The following CACNA1A variants were observed in gnomAD, a reference collection of about 807,000 sequenced individuals.
The protein encoded by CACNA1A is voltage-dependent P/Q-type calcium channel subunit alpha-1A.
A neutral mutation model predicts 262.4 loss-of-function variants in CACNA1A; 57 were observed. The observed-to-expected ratio is 0.22, with a 90% confidence interval of 0.18 to 0.27. CACNA1A has a LOEUF of 0.27. Ranked by LOEUF, CACNA1A falls within the 10% of genes least tolerant of loss-of-function variation. The pLI is 1.00. For missense variants in CACNA1A, 2,526 were observed against 3,562.8 expected, an observed-to-expected ratio of 0.71 and a Z score of 7.41; for synonymous variants, 1,431 against 1,419.3, an observed-to-expected ratio of 1.01 and a Z score of -0.18.
chr19:13,433,337 C>T (rs1470490128), intron 3 of CACNA1A, among the ~76,000 whole-genome samples: 1 of 150,518 alleles, frequency 6.6e-6, no homozygotes, highest in African/African-American at 2.4e-5. Flanking sequence ...GGCGTGTGCC[C>T]ATAGTCCTAG....
chr19:13,478,965 G>A (rs970499044), intron 1 of CACNA1A, among the ~76,000 whole-genome samples: 18 of 152,210 alleles, frequency 1.2e-4, no homozygotes, highest in Non-Finnish European at 2.1e-4. Context: ...CCTGAGGTCA[G>A]GAGTTTGAGA....
At chr19:13,279,799 T>A (rs1271864801) in intron 22 of CACNA1A, among the ~76,000 whole-genome samples, 1 of 150,070 alleles carries the variant, frequency 6.7e-6, no homozygotes, top group African/African-American at 2.5e-5. Flanking sequence ...CCCACTGTGT[T>A]TATTTTTATT....
At chr19:13,235,780 C>T (rs773382747) in intron 31 of CACNA1A, 50 bp from the exon 32 acceptor site, 1 of 1,357,608 alleles carries the variant, frequency 7.4e-7, no homozygotes, top group African/African-American at 1.4e-5. Flanking sequence ...CCAAAAGGCT[C>T]AGAGCTGTCA....
intron 1 of CACNA1A, among the ~76,000 whole-genome samples, chr19:13,491,234 C>T (rs1022161367): frequency 6.6e-6 from 1 of 152,204 alleles, no homozygotes; most frequent in African/African-American, 2.4e-5. Context: ...CCTTGGCAAG[C>T]AGTGTTAGCT....
intron 6 of CACNA1A, among the ~76,000 whole-genome samples, chr19:13,342,234 C>T (rs115242587): frequency 1.8e-3 from 273 of 152,058 alleles, no homozygotes; most frequent in African/African-American, 6.3e-3. Flanking sequence ...GGGTGGATTT[C>T]GTTCAGGAGC....
At chr19:13,430,112 T>C (rs2060480822) in intron 3 of CACNA1A, among the ~76,000 whole-genome samples, 1 of 151,992 alleles carries the variant, frequency 6.6e-6, no homozygotes, top group Non-Finnish European at 1.5e-5. Flanking sequence ...ATGGCGGTCC[T>C]GGTTGCACAA....
At chr19:13,366,525 G>A (rs2059214905) in intron 4 of CACNA1A, among the ~76,000 whole-genome samples, 1 of 152,098 alleles carries the variant, frequency 6.6e-6, no homozygotes, top group Non-Finnish European at 1.5e-5. Context: ...TCGAACTCCT[G>A]ACCTCAAGCG....
Position 13,334,330 on chromosome 19 carries a change from C to T in CACNA1A, c.1198+48G>A, listed in dbSNP as rs2306348. 660,178 of 981,134 alleles carry T rather than the reference C, an allele frequency of 0.67. 223,809 individuals are homozygous for T. The highest frequency in any genetic ancestry group is 0.78 in the Admixed American group (46,141 of 59,084). 60.8% of individuals were successfully genotyped at this position (981,134 alleles called of 1,614,324 possible). On this transcript the variant is annotated intron_variant, in intron 8 of 46. Coordinates refer to ENST00000360228, the MANE Select transcript of CACNA1A (RefSeq NM_001127222.2). ...AAACTGCATGACTCTCTTTGTACTCCGTGGCCTGGGATCTCCATCCCTGGG... is the reference window on the plus strand; with the variant it reads ...AAACTGCATGACTCTCTTTGTACTCTGTGGCCTGGGATCTCCATCCCTGGG...
intron 34 of CACNA1A, chr19:13,234,691 G>A: frequency 3.8e-6 from 2 of 529,648 alleles, no homozygotes; most frequent in Admixed American, 6.4e-5. Flanking sequence ...AGAAAAGGAG[G>A]AGGAGGGCAC....
chr19:13,240,500 G>T (rs1166093961), intron 31 of CACNA1A, among the ~76,000 whole-genome samples: 2 of 151,508 alleles, frequency 1.3e-5, no homozygotes, highest in East Asian at 3.9e-4. Context: ...TGCAGTGCCA[G>T]TGTGTGTACA....
intron 4 of CACNA1A, 102 bp downstream of exon 4, chr19:13,371,586 C>A: frequency 1.3e-6 from 1 of 796,976 alleles, no homozygotes; most frequent in South Asian, 1.6e-5. Context: ...CTCACACAGG[C>A]TGGTGGCAGG....
chr19:13,412,075 A>G (rs1213414062), intron 3 of CACNA1A, among the ~76,000 whole-genome samples: 2 of 151,946 alleles, frequency 1.3e-5, no homozygotes, highest in Non-Finnish European at 2.9e-5. Flanking sequence ...TTAAGTCAAC[A>G]CAGATAGTGA....
intron 3 of CACNA1A, among the ~76,000 whole-genome samples, chr19:13,378,693 C>T (rs1287571260): frequency 6.6e-6 from 1 of 151,882 alleles, no homozygotes; most frequent in Non-Finnish European, 1.5e-5. Context: ...GACAGAGTCT[C>T]AGTCTGTCAC....
chr19:13,491,098 G>T (rs1980830361), intron 1 of CACNA1A, among the ~76,000 whole-genome samples: 1 of 152,176 alleles, frequency 6.6e-6, no homozygotes, highest in Admixed American at 6.5e-5. Flanking sequence ...TTGCCCACTC[G>T]CACACCAACC....
intron 24 of CACNA1A, chr19:13,263,448 TG>T (rs1432258182): frequency 6.5e-6 from 1 of 153,242 alleles, no homozygotes; most frequent in African/African-American, 2.4e-5. Context: ...GGATTACAGG[TG>T]TGAGCCACTA....
chr19:13,432,195 A>T (rs1478682016), intron 3 of CACNA1A, among the ~76,000 whole-genome samples: 2 of 150,500 alleles, frequency 1.3e-5, no homozygotes, highest in Admixed American at 6.7e-5. Context: ...TGGGTGGATC[A>T]CTGGAGGTCA....
chr19:13,340,945 A>T (rs2058667691), intron 6 of CACNA1A, among the ~76,000 whole-genome samples: 1 of 152,172 alleles, frequency 6.6e-6, no homozygotes, highest in South Asian at 2.1e-4. Flanking sequence ...AGTGGCTCAC[A>T]TCTGCAGTCC....
intron 30 of CACNA1A, among the ~76,000 whole-genome samples, chr19:13,251,212 G>A (rs1215075131): frequency 4.6e-5 from 7 of 151,074 alleles, no homozygotes; most frequent in Non-Finnish European, 5.9e-5. Context: ...GGCCGGGTGC[G>A]GTGGCTCCCG....
At chr19:13,263,110 G>A in intron 24 of CACNA1A, 1 of 436,230 alleles carries the variant, frequency 2.3e-6, no homozygotes, top group East Asian at 4.5e-5. Flanking sequence ...TGTATTGGGT[G>A]TCCCTGAGAC....
Sources: allele counts gnomAD v4.1 joint callset (sites outside exome capture counted in the v4.1 genomes callset), GRCh38; gene constraint gnomAD v4.1.1; transcripts MANE v1.5; gene names NCBI Gene and HGNC (gene_info 2026-07-23, HGNC 2026-07-21).